TTC29: variants seen among roughly 807,000 people sequenced by gnomAD.
TTC29 encodes the protein tetratricopeptide repeat domain 29.
In TTC29, 49 loss-of-function variants were observed where a neutral mutation model predicts 58.1. The observed-to-expected ratio is 0.84, with a 90% CI of 0.67 to 1.07. The LOEUF (loss-of-function observed/expected upper bound fraction) is 1.07. Ranked by LOEUF, TTC29 falls within the 50% of genes least tolerant of loss-of-function variation. The pLI is 0.00. For missense variants in TTC29, 582 were observed against 555.6 expected (o/e 1.05, Z -0.48); for synonymous variants, 209 against 196.8 (o/e 1.06, Z -0.52).
intron 3 of TTC29, among the ~76,000 whole-genome samples, 151 bp from the exon 4 acceptor site, chr4:146,937,828 T>C (rs571012280): frequency 6.6e-6 from 1 of 152,146 alleles, no homozygotes; most frequent in Non-Finnish European, 1.5e-5. Flanking sequence ...CGTTGGTTGA[T>C]CATTTCAAAA....
chr4:146,814,266 T>C (rs916014762), intron 10 of TTC29, among the ~76,000 whole-genome samples: 2 of 152,074 alleles, frequency 1.3e-5, no homozygotes, highest in Admixed American at 6.5e-5. Context: ...AAATGCTACA[T>C]GGATAATTCA....
chr4:146,882,078 A>G (rs1300316132), intron 6 of TTC29, among the ~76,000 whole-genome samples: 3 of 152,126 alleles, frequency 2.0e-5, no homozygotes, highest in South Asian at 2.1e-4. Context: ...GTTTGGGAGA[A>G]CCTCACCCAG....
rs182548525 is a variant in TTC29, at chr4:146,728,910, C to T, written c.1331-21359G>A. 2.1e-3 allele frequency among the ~76,000 whole-genome samples: 247 copies of T among 119,752 alleles called. 3 individuals are homozygous for T. Among genetic ancestry groups the T allele is most frequent in the African/African-American group, 7.4e-3 (231 of 31,092 alleles). 78.6% of individuals were successfully genotyped at this position (119,752 alleles called of 152,430 possible). A position where few individuals can be genotyped will look rare whatever the true frequency, so the allele number is the denominator to read the frequency against. On this transcript the variant is annotated intron_variant, in intron 11 of 12. Transcript: ENST00000325106. ...ATGTGTGTATGTATATATATATGTA[C>T]GTATCTGTCTAGATGCCCTCTAGTG... is the stretch of plus-strand genomic sequence containing the variant.
chr4:146,877,790 A>G (rs1267926195), intron 6 of TTC29, among the ~76,000 whole-genome samples: 1 of 152,226 alleles, frequency 6.6e-6, no homozygotes, highest in African/African-American at 2.4e-5. Flanking sequence ...AGATAGTTCC[A>G]GAATAGATAT....
intron 8 of TTC29, among the ~76,000 whole-genome samples, chr4:146,860,637 G>A (rs113088727): frequency 7.0e-4 from 106 of 152,258 alleles, no homozygotes; most frequent in African/African-American, 1.9e-3. Flanking sequence ...GGAACAGCAC[G>A]AGATTTCATT....
chr4:146,749,205 T>C (rs1194110475), intron 11 of TTC29, among the ~76,000 whole-genome samples: 2 of 150,698 alleles, frequency 1.3e-5, no homozygotes, highest in Non-Finnish European at 3.0e-5. Flanking sequence ...GTAGTCCTCA[T>C]GAGGCTGAGG....
chr4:146,915,594 G>A (rs1176560054), intron 4 of TTC29, among the ~76,000 whole-genome samples: 1 of 151,930 alleles, frequency 6.6e-6, no homozygotes, highest in African/African-American at 2.4e-5. Flanking sequence ...ATATAAAAAA[G>A]ATGAATAGAT....
intron 8 of TTC29, among the ~76,000 whole-genome samples, chr4:146,844,353 G>T (rs1043034160): frequency 1.3e-5 from 2 of 152,012 alleles, no homozygotes; most frequent in Admixed American, 1.3e-4. Flanking sequence ...TCCTAAATTG[G>T]TCATTATAGT....
chr4:146,771,347 A>G (rs1234096487), intron 11 of TTC29, among the ~76,000 whole-genome samples: 1 of 152,014 alleles, frequency 6.6e-6, no homozygotes, highest in Non-Finnish European at 1.5e-5. Flanking sequence ...TGTACAGATT[A>G]TTTTGTCACC....
chr4:146,815,723 G>T (rs1209508576), intron 10 of TTC29, among the ~76,000 whole-genome samples: 1 of 152,168 alleles, frequency 6.6e-6, no homozygotes, highest in Non-Finnish European at 1.5e-5. Flanking sequence ...TCAGTTTTTA[G>T]TACATTATAG....
intron 11 of TTC29, among the ~76,000 whole-genome samples, chr4:146,779,002 A>G (rs1748356958): frequency 2.5e-5 from 3 of 119,446 alleles, no homozygotes; most frequent in African/African-American, 7.5e-5. Context: ...AAAAAAAAAA[A>G]AGAAAAGAAA....
intron 8 of TTC29, among the ~76,000 whole-genome samples, chr4:146,840,840 G>A (rs1728809221): frequency 6.6e-6 from 1 of 152,090 alleles, no homozygotes; most frequent in African/African-American, 2.4e-5. Context: ...TGGGGAAGCT[G>A]GAGCAAGTCT....
chr4:146,829,249 C>A (rs990233875), intron 9 of TTC29, among the ~76,000 whole-genome samples: 1 of 152,174 alleles, frequency 6.6e-6, no homozygotes, highest in Admixed American at 6.6e-5. Context: ...AAAACAGGAC[C>A]GTTAACACCC....
At chr4:146,820,295 T>C (rs749742862) in intron 9 of TTC29, 47 bp from the exon 10 acceptor site, 18 of 1,584,226 alleles carry the variant, frequency 1.1e-5, no homozygotes, top group Non-Finnish European at 1.5e-5. Flanking sequence ...TCTCACTTAA[T>C]GTCACAGTAA....
In TTC29 at chr4:146,842,814, G is replaced by T. The variant is rs867938298; in HGVS notation, c.886-8917C>A. Among the ~76,000 whole-genome samples, 458 of 152,252 alleles carry T rather than the reference G, an allele frequency of 3.0e-3. 3 individuals carry two copies. The highest frequency in any genetic ancestry group is 0.011 in the African/African-American group (438 of 41,550). On this transcript the variant is annotated intron_variant, in intron 8 of 12. Transcript: ENST00000325106. ...ATTACTTTGAGGAAAAAAGGGCAAA[G>T]ATACAGATTTATACTTATGCAATGA...
chr4:146,731,846 C>T (rs763777934), intron 11 of TTC29, among the ~76,000 whole-genome samples: 1 of 152,138 alleles, frequency 6.6e-6, no homozygotes, highest in Admixed American at 6.6e-5. Context: ...TTCCTGGAAC[C>T]ATAATGAGAG....
chr4:146,824,790 G>A (rs1236557928), intron 9 of TTC29, among the ~76,000 whole-genome samples: 2 of 152,110 alleles, frequency 1.3e-5, no homozygotes, highest in Admixed American at 6.5e-5. Context: ...CTTGTTATTG[G>A]TCTATTCAGG....
chr4:146,758,173 C>CAAGCA (rs1746599312), intron 11 of TTC29, among the ~76,000 whole-genome samples: 2 of 152,108 alleles, frequency 1.3e-5, no homozygotes, highest in Middle Eastern at 3.4e-3. Context: ...ACACCAAAAG[C>CAAGCA]AAGCAGGAGT....
At position 146,803,569 on chromosome 4, in the gene TTC29, A is replaced by G; in HGVS notation, c.1218T>C (p.His406=). 2 of 1,606,970 alleles carry G rather than the reference A, an allele frequency of 1.2e-6. No individual in the cohort carries two copies. The highest frequency in any genetic ancestry group is 1.1e-5 in the South Asian group (1 of 89,510). The change falls in exon 11 of 13, where the codon CAT becomes CAC. Residue 406 remains histidine, a synonymous_variant. Transcript: ENST00000325106. ...TKVHYGIAKA[H]QMMLTVNNYI... ...AGTTGTTCACTGTAAGCATCATCTGATGAGCTTTTGCTATTCCATAGTGAA... is the reference window on the plus strand; with the variant it reads ...AGTTGTTCACTGTAAGCATCATCTGGTGAGCTTTTGCTATTCCATAGTGAA...
Sources: allele counts gnomAD v4.1 joint callset (sites outside exome capture counted in the v4.1 genomes callset), GRCh38; gene constraint gnomAD v4.1.1; transcripts MANE v1.5; gene names NCBI Gene and HGNC (gene_info 2026-07-23, HGNC 2026-07-21).